The following ADGRL2 variants were observed in gnomAD, a reference collection of about 807,000 sequenced individuals.
The protein encoded by ADGRL2 is adhesion G protein-coupled receptor L2, also known as calcium-independent alpha-latrotoxin receptor 2.
Under a neutral mutation model 157.4 loss-of-function variants are expected in ADGRL2, and 44 were observed. The observed-to-expected ratio is 0.28, with a 90% CI of 0.22 to 0.36. ADGRL2 has a LOEUF of 0.36. Ranked by LOEUF, ADGRL2 falls within the 10% of genes least tolerant of loss-of-function variation. The probability of loss-of-function intolerance (pLI) is 1.00; values close to 1 mark genes in which losing one functional copy is unlikely to be tolerated. For missense variants in ADGRL2, 1,510 were observed against 1,768.9 expected (o/e 0.85, Z 2.63); for synonymous variants, 585 against 624.7 (o/e 0.94, Z 0.95).
intron 2 of ADGRL2, among the ~76,000 whole-genome samples, chr1:81,511,460 C>A (rs536483211): frequency 6.6e-6 from 1 of 150,676 alleles, no homozygotes; most frequent in Non-Finnish European, 1.5e-5. Flanking sequence ...ACACCAAAGG[C>A]CAAATACTTC....
At chr1:81,708,848 T>C (rs556903825) in intron 1 of ADGRL2, among the ~76,000 whole-genome samples, 3 of 152,202 alleles carry the variant, frequency 2.0e-5, no homozygotes, top group African/African-American at 7.2e-5. Context: ...ACTCTAAAGT[T>C]CTTAGGGATC....
chr1:81,797,853 A>G (rs1393111273), upstream of ADGRL2, among the ~76,000 whole-genome samples: 1 of 152,192 alleles, frequency 6.6e-6, no homozygotes, highest in Admixed American at 6.5e-5. Flanking sequence ...AAGCCCATCA[A>G]TCTCTCTAAC....
At chr1:81,878,441 T>C (rs1411315511) in intron 2 of ADGRL2, among the ~76,000 whole-genome samples, 3 of 152,194 alleles carry the variant, frequency 2.0e-5, no homozygotes, top group African/African-American at 7.2e-5. Flanking sequence ...GTTTGAGTTG[T>C]AAATAATTAA....
chr1:81,392,131 G>C (rs1302038517), intron 1 of ADGRL2, among the ~76,000 whole-genome samples: 1 of 151,878 alleles, frequency 6.6e-6, no homozygotes, highest in African/African-American at 2.4e-5. Flanking sequence ...CACAGGTAAA[G>C]GGTGTTTTGA....
At chr1:81,709,839 C>T (rs2083865012) in intron 1 of ADGRL2, among the ~76,000 whole-genome samples, 1 of 152,078 alleles carries the variant, frequency 6.6e-6, no homozygotes, top group African/African-American at 2.4e-5. Flanking sequence ...TAAAAACTAT[C>T]CTATTCCAAA....
At chr1:81,808,044 A>C (rs930215279) in intron 1 of ADGRL2, among the ~76,000 whole-genome samples, 1 of 151,996 alleles carries the variant, frequency 6.6e-6, no homozygotes, top group African/African-American at 2.4e-5. Flanking sequence ...AAAGGAACCA[A>C]GCGCTTAACA....
intron 2 of ADGRL2, among the ~76,000 whole-genome samples, chr1:81,853,552 A>G (rs1443559470): frequency 2.0e-5 from 3 of 152,160 alleles, no homozygotes; most frequent in Admixed American, 6.6e-5. Context: ...AAACTGGAAC[A>G]TTTTATTAGG....
intron 2 of ADGRL2, among the ~76,000 whole-genome samples, chr1:81,485,491 A>G (rs969860345): frequency 6.6e-6 from 1 of 152,176 alleles, no homozygotes; most frequent in Non-Finnish European, 1.5e-5. Context: ...GAACAGCAAA[A>G]TATTTCTTTG....
At chr1:81,404,506 T>C (rs938707455) in intron 1 of ADGRL2, among the ~76,000 whole-genome samples, 1 of 152,282 alleles carries the variant, frequency 6.6e-6, no homozygotes, top group South Asian at 2.1e-4. Flanking sequence ...AGGATGCTAT[T>C]GGGCCAAGGC....
intron 3 of ADGRL2, among the ~76,000 whole-genome samples, chr1:81,650,972 G>A (rs550612106): frequency 1.2e-4 from 18 of 152,252 alleles, no homozygotes; most frequent in African/African-American, 4.3e-4. Context: ...CCCAAGAAGT[G>A]CTTCAGTTGC....
chr1:81,621,185 G>A (rs2081782388), intron 3 of ADGRL2, among the ~76,000 whole-genome samples: 1 of 152,072 alleles, frequency 6.6e-6, no homozygotes, highest in Admixed American at 6.6e-5. Flanking sequence ...GGGAGGGAGT[G>A]GACTAGTTTT....
intron 2 of ADGRL2, among the ~76,000 whole-genome samples, chr1:81,524,077 T>A (rs971204348): frequency 1.9e-4 from 27 of 143,390 alleles, no homozygotes; most frequent in African/African-American, 6.0e-4. Flanking sequence ...AATAAAAAAA[T>A]GGGCCAGGCG....
intron 3 of ADGRL2, among the ~76,000 whole-genome samples, chr1:81,617,487 C>T (rs1242976795): frequency 6.6e-6 from 1 of 152,222 alleles, no homozygotes; most frequent in Non-Finnish European, 1.5e-5. Context: ...TTATCTGTTG[C>T]AATCTCCCCA....
In ADGRL2 at chr1:81,985,371, A is replaced by G; in HGVS notation, c.3508+16A>G. ...CTTAATCAAGGTCAGTTATCAGGAAAATTTGAGTTACTACCATTTATTAAA... is the reference window on the plus strand; with the variant it reads ...CTTAATCAAGGTCAGTTATCAGGAAGATTTGAGTTACTACCATTTATTAAA... On this transcript the variant is annotated intron_variant, in intron 21 of 23. Coordinates refer to ENST00000686636, the MANE Select transcript of ADGRL2 (RefSeq NM_001366006.2). 1 of 1,419,736 alleles carries G rather than the reference A, an allele frequency of 7.0e-7. No homozygotes were observed. The highest frequency in any genetic ancestry group is 2.3e-5 in the East Asian group (1 of 43,358). 87.9% of individuals were successfully genotyped at this position (1,419,736 alleles called of 1,614,324 possible). A position where few individuals can be genotyped will look rare whatever the true frequency, so the allele number is the denominator to read the frequency against.
At chr1:81,343,073 TTTTTTTCTTTTTTCTTTTC>T (rs1164298411) in intron 1 of ADGRL2, among the ~76,000 whole-genome samples, 3 of 88,102 alleles carry the variant, frequency 3.4e-5, no homozygotes, top group African/African-American at 1.1e-4. Context: ...TTTTCTTTTC[TTTTTTTCTTTTTTCTTTTC>T]TTTTTTTTTT....
intron 11 of ADGRL2, among the ~76,000 whole-genome samples, chr1:81,958,511 A>G (rs1654322490): frequency 6.6e-6 from 1 of 152,096 alleles, no homozygotes; most frequent in Admixed American, 6.5e-5. Context: ...TTTCCTCCTT[A>G]GTGATTTCTT....
chr1:81,315,604 C>T lies in ADGRL2; in HGVS notation c.-302+9095C>T, dbSNP rs550502996. Among the ~76,000 whole-genome samples, 9 of 152,232 alleles carry T rather than the reference C, an allele frequency of 5.9e-5. No individual in the cohort carries two copies. In the South Asian group the frequency reaches 1.9e-3, roughly 32 times the overall value. ...CCTGAGGTAGCTCCTAGTTCTTCCACTCTTTTTAAAAGATAGAGCTGTCAC... is the reference window on the plus strand; with the variant it reads ...CCTGAGGTAGCTCCTAGTTCTTCCATTCTTTTTAAAAGATAGAGCTGTCAC... On this transcript the variant is annotated intron_variant, in intron 1 of 24. Transcript: ENST00000370721.
At chr1:81,509,659 AGG>A (rs1397062708) in intron 2 of ADGRL2, among the ~76,000 whole-genome samples, 1 of 152,230 alleles carries the variant, frequency 6.6e-6, no homozygotes, top group African/African-American at 2.4e-5. Context: ...ACAGAGCCTG[AGG>A]AGCTAGCTCA....
intron 1 of ADGRL2, among the ~76,000 whole-genome samples, chr1:81,415,341 A>AGT (rs964489813): frequency 4.6e-5 from 7 of 152,140 alleles, no homozygotes; most frequent in South Asian, 2.1e-4. Context: ...AAGAAACACC[A>AGT]GTGTGTGTGT....
Sources: gnomAD v4.1 joint callset for allele counts (sites outside exome capture counted in the v4.1 genomes callset) on GRCh38, gnomAD v4.1.1 for gene constraint, MANE v1.5 for transcripts, NCBI Gene and HGNC (gene_info 2026-07-23, HGNC 2026-07-21) for gene names.